The following DPP10 variants were observed in gnomAD, a reference collection of about 807,000 sequenced individuals.
DPP10 encodes the protein dipeptidyl peptidase like 10, also known as inactive dipeptidyl peptidase 10.
A neutral mutation model predicts 120.9 loss-of-function variants in DPP10; 33 were observed. That is an observed-to-expected ratio of 0.27 (90% CI 0.21 to 0.37). The LOEUF is 0.37. Ranked by LOEUF, DPP10 falls within the 10% of genes least tolerant of loss-of-function variation. DPP10 has a pLI of 1.00. For missense variants in DPP10, 816 were observed against 942.8 expected (o/e 0.87, Z 1.76); for synonymous variants, 337 against 326.1 (o/e 1.03, Z -0.36).
At chr2:114,755,057 A>C (rs1679599342) in intron 1 of DPP10, among the ~76,000 whole-genome samples, 1 of 152,228 alleles carries the variant, frequency 6.6e-6, no homozygotes, top group African/African-American at 2.4e-5. Flanking sequence ...TGAGTTGAGT[A>C]AGATCATATT....
At chr2:115,483,190 TG>T (rs2075545004) in intron 3 of DPP10, among the ~76,000 whole-genome samples, 1 of 152,116 alleles carries the variant, frequency 6.6e-6, no homozygotes, top group Admixed American at 6.6e-5. Flanking sequence ...ATCACTTTAT[TG>T]GATACATACT....
intron 1 of DPP10, among the ~76,000 whole-genome samples, chr2:114,581,599 A>G (rs1481915665): frequency 1.3e-5 from 2 of 152,146 alleles, no homozygotes; most frequent in Non-Finnish European, 2.9e-5. Context: ...AAGCAAATTC[A>G]TGTTGGCATT....
chr2:115,684,666 GC>G (rs2090874428), intron 5 of DPP10, among the ~76,000 whole-genome samples: 1 of 151,794 alleles, frequency 6.6e-6, no homozygotes, highest in South Asian at 2.1e-4. Flanking sequence ...AGAGATACAA[GC>G]CTCTGGTTCA....
chr2:114,740,842 T>TGAAA (rs1245185820), intron 1 of DPP10, among the ~76,000 whole-genome samples: 4 of 152,202 alleles, frequency 2.6e-5, no homozygotes. Flanking sequence ...GGGTCCATTT[T>TGAAA]CTTCATGGGA....
intron 21 of DPP10, among the ~76,000 whole-genome samples, chr2:115,827,795 C>T (rs1297791578): frequency 9.2e-5 from 14 of 151,786 alleles, no homozygotes; most frequent in African/African-American, 3.4e-4. Flanking sequence ...GGGGGTTTCA[C>T]CGTTATGGCC....
intron 1 of DPP10, among the ~76,000 whole-genome samples, chr2:114,585,372 T>C (rs1440660000): frequency 3.3e-5 from 5 of 152,230 alleles, no homozygotes; most frequent in African/African-American, 1.2e-4. Context: ...TTTGATTGAC[T>C]TATCTGTGAT....
At chr2:114,927,470 C>T (rs1285365129) in intron 1 of DPP10, among the ~76,000 whole-genome samples, 2 of 152,138 alleles carry the variant, frequency 1.3e-5, no homozygotes, top group Non-Finnish European at 2.9e-5. Flanking sequence ...AGAGACAACT[C>T]AAAGCAAGCC....
At chr2:115,224,108 C>CA (rs1163694115) in intron 1 of DPP10, among the ~76,000 whole-genome samples, 1 of 152,016 alleles carries the variant, frequency 6.6e-6, no homozygotes, top group Admixed American at 6.6e-5. Flanking sequence ...AGAAAACAGT[C>CA]ATCAGGTACA....
At chr2:115,315,055 A>C (rs1050130750) in intron 2 of DPP10, among the ~76,000 whole-genome samples, 1 of 152,154 alleles carries the variant, frequency 6.6e-6, no homozygotes, top group Non-Finnish European at 1.5e-5. Context: ...TAGTTTGTGG[A>C]GAAAGTATAG....
At chr2:114,577,932 T>A (rs1388207303) in intron 1 of DPP10, among the ~76,000 whole-genome samples, 1 of 152,226 alleles carries the variant, frequency 6.6e-6, no homozygotes, top group Non-Finnish European at 1.5e-5. Context: ...AGACCTAACT[T>A]AATGACCTCA....
intron 11 of DPP10, among the ~76,000 whole-genome samples, chr2:115,753,642 C>G (rs1387925843): frequency 1.3e-5 from 2 of 152,130 alleles, no homozygotes; most frequent in African/African-American, 2.4e-5. Context: ...TAAGAAGTTT[C>G]TTTCCTATCT....
chr2:115,211,651 A>C (rs1287907356), intron 1 of DPP10, among the ~76,000 whole-genome samples: 3 of 152,002 alleles, frequency 2.0e-5, no homozygotes, highest in African/African-American at 7.2e-5. Context: ...TTAATTTGGC[A>C]GTAAGATGCT....
intron 1 of DPP10, among the ~76,000 whole-genome samples, chr2:114,612,791 T>A (rs976431747): frequency 6.6e-6 from 1 of 152,214 alleles, no homozygotes; most frequent in Non-Finnish European, 1.5e-5. Context: ...ATGTTCTTTA[T>A]CTGTTTACAT....
At chr2:115,708,044 T>G (rs191957187) in intron 7 of DPP10, among the ~76,000 whole-genome samples, 1 of 152,090 alleles carries the variant, frequency 6.6e-6, no homozygotes, top group Non-Finnish European at 1.5e-5. Context: ...GAAGTGTATG[T>G]CAGCAGCAAT....
intron 7 of DPP10, among the ~76,000 whole-genome samples, chr2:115,700,708 T>C (rs756890133): frequency 1.3e-5 from 2 of 152,162 alleles, no homozygotes; most frequent in Non-Finnish European, 2.9e-5. Flanking sequence ...ACACTCAGCA[T>C]TTTAGAACTA....
At chr2:114,867,767 C>A (rs1255112062) in intron 1 of DPP10, among the ~76,000 whole-genome samples, 3 of 152,120 alleles carry the variant, frequency 2.0e-5, no homozygotes, top group African/African-American at 7.2e-5. Context: ...CCTTCTAAAG[C>A]AGTCAAGAGC....
chr2:115,022,027 A>G (rs113421561), intron 1 of DPP10, among the ~76,000 whole-genome samples: 1 of 152,260 alleles, frequency 6.6e-6, no homozygotes, highest in Non-Finnish European at 1.5e-5. Flanking sequence ...AGGTAATAAA[A>G]GCCATCTATG....
intron 3 of DPP10, among the ~76,000 whole-genome samples, chr2:115,365,396 C>G: frequency 6.6e-6 from 1 of 151,858 alleles, no homozygotes; most frequent in Non-Finnish European, 1.5e-5. Flanking sequence ...TTAGAGCCAT[C>G]CTAGATTCCA....
intron 10 of DPP10, among the ~76,000 whole-genome samples, chr2:115,752,788 A>T (rs1678914266): frequency 6.6e-6 from 1 of 152,208 alleles, no homozygotes; most frequent in African/African-American, 2.4e-5. Flanking sequence ...ATACCTTTAT[A>T]AATGTATACT....
Sources: allele counts gnomAD v4.1 joint callset (sites outside exome capture counted in the v4.1 genomes callset), GRCh38; gene constraint gnomAD v4.1.1; transcripts MANE v1.5; gene names NCBI Gene and HGNC (gene_info 2026-07-23, HGNC 2026-07-21).